The following PKD1L1 variants were observed in gnomAD, a reference collection of about 807,000 sequenced individuals.
PKD1L1 encodes polycystin 1 like 1, transient receptor potential channel interacting.
A neutral mutation model predicts 323.4 loss-of-function variants in PKD1L1; 236 were observed. The ratio of observed to expected loss-of-function variants is 0.73; its 90% confidence interval spans 0.66 to 0.81. The LOEUF (loss-of-function observed/expected upper bound fraction) is 0.81. PKD1L1 is among the 40% of genes least tolerant of loss of function. PKD1L1 has a pLI of 0.00. For synonymous variants in PKD1L1, 1,344 were observed against 1,335.0 expected (o/e 1.01, Z -0.15); for missense variants, 3,320 against 3,508.0 (o/e 0.95, Z 1.35).
At chr7:47,921,380 T>TA (rs1257901747) in intron 7 of PKD1L1, among the ~76,000 whole-genome samples, 2 of 150,318 alleles carry the variant, frequency 1.3e-5, no homozygotes, top group African/African-American at 2.5e-5. Context: ...AATCAAAAAA[T>TA]AAAAAAATAG....
chr7:47,904,661 C>A (rs542905741), intron 11 of PKD1L1, 44 bp from the exon 12 acceptor site: 5 of 1,581,846 alleles, frequency 3.2e-6, no homozygotes, highest in Non-Finnish European at 4.3e-6. Context: ...GATGGCAAGA[C>A]AAGAACAGGG....
In PKD1L1 at chr7:47,922,668, C is replaced by T. The variant is rs570818693; in HGVS notation, c.1060+6536G>A. On this transcript the variant is annotated intron_variant, in intron 7 of 56. Coordinates refer to ENST00000289672, the MANE Select transcript of PKD1L1 (RefSeq NM_138295.5). The stretch of plus-strand genomic sequence containing the variant: ...CCGTCTGAGAAGTGAGGAGCCCCTC[C>T]GCCCGGCAGCTGCCCCGTCTGGGAA... 1.0e-3 allele frequency among the ~76,000 whole-genome samples: 152 copies of T among 150,290 alleles called. 2 individuals are homozygous for T. In the East Asian group the frequency reaches 0.026, roughly 25 times the overall value.
intron 31 of PKD1L1, among the ~76,000 whole-genome samples, chr7:47,850,632 CAAAAAAAA>C (rs58437908): frequency 1.3e-5 from 1 of 75,814 alleles, no homozygotes; most frequent in African/African-American, 5.7e-5. Flanking sequence ...GACTCTGTCT[CAAAAAAAA>C]AAAAAAAAAA....
At position 47,931,089 on chromosome 7, in the gene PKD1L1, C is replaced by T. The variant is rs1787760442; in HGVS notation, c.737+15G>A. Reference sequence around the variant, plus strand: ...TGGAGAAGTGGTGCTGGCCTCCATACCTCCTTCACCGTACCTTCTGGGAGA... The same window carrying T: ...TGGAGAAGTGGTGCTGGCCTCCATATCTCCTTCACCGTACCTTCTGGGAGA... On this transcript the variant is annotated intron_variant, in intron 6 of 56. Transcript: ENST00000289672. 6.2e-7 allele frequency: 1 copy of T among 1,610,750 alleles called. No individual in the cohort carries two copies. The highest frequency in any genetic ancestry group is 1.1e-5 in the South Asian group (1 of 90,770).
intron 46 of PKD1L1, among the ~76,000 whole-genome samples, chr7:47,816,789 T>A (rs1427911713): frequency 1.3e-5 from 2 of 152,326 alleles, no homozygotes; most frequent in Admixed American, 1.3e-4. Context: ...ACACTATGAA[T>A]CATTCAGATG....
intron 7 of PKD1L1, among the ~76,000 whole-genome samples, chr7:47,920,824 T>A (rs981101559): frequency 2.6e-5 from 4 of 152,182 alleles, no homozygotes; most frequent in Non-Finnish European, 4.4e-5. Context: ...GGTGCTGGGA[T>A]AATTGGCTAA....
At chr7:47,913,632 G>A (rs1272254813) in intron 8 of PKD1L1, among the ~76,000 whole-genome samples, 2 of 152,110 alleles carry the variant, frequency 1.3e-5, no homozygotes, top group Non-Finnish European at 2.9e-5. Flanking sequence ...GCTATGTAAC[G>A]TGTGTGTTCC....
At chr7:47,922,258 G>A (rs891614516) in intron 7 of PKD1L1, among the ~76,000 whole-genome samples, 1 of 152,120 alleles carries the variant, frequency 6.6e-6, no homozygotes, top group Non-Finnish European at 1.5e-5. Flanking sequence ...CTCTCGGCTC[G>A]CTACAACCTC....
chr7:47,862,460 G>A (rs553037383), intron 26 of PKD1L1, among the ~76,000 whole-genome samples: 32 of 152,150 alleles, frequency 2.1e-4, no homozygotes, highest in South Asian at 2.1e-4. Flanking sequence ...TCTCTTGAGC[G>A]CCTGCCATGC....
Position 47,792,680 on chromosome 7 carries a change from C to T in PKD1L1, c.8473G>A (p.Ala2825Thr). 2 of 1,614,108 alleles carry T rather than the reference C, an allele frequency of 1.2e-6. No individual in the cohort carries two copies. The highest frequency in any genetic ancestry group is 1.7e-6 in the Non-Finnish European group (2 of 1,179,986). Reference protein sequence around the residue: ...LEKTSNNTGEARTEESPLVDI... With the variant: ...LEKTSNNTGETRTEESPLVDI... ...ACTAAGGGACTCTCTTCTGTCCTTG[C>T]CTCCCCTGTGTTGTTGGATGTTTTT... The change falls in exon 56 of 57, where the codon GCA becomes ACA. Residue 2825 changes from alanine (A) to threonine (T), a missense_variant. Ala to Thr is a moderately conservative substitution (Grantham distance 58). Transcript: ENST00000289672.
chr7:47,883,799 C>T lies in PKD1L1; in HGVS notation c.3265+799G>A, dbSNP rs551372423. 3.5e-4 allele frequency among the ~76,000 whole-genome samples: 53 copies of T among 152,362 alleles called. No homozygotes were observed. In the East Asian group the frequency reaches 0.01, roughly 29 times the overall value. On this transcript the variant is annotated intron_variant, in intron 19 of 56. Transcript: ENST00000289672. ...ATTCCCTCGATAGATAAATCATTCA[C>T]TCATCAGCCATTTATCGATTCATTC...
intron 4 of PKD1L1, among the ~76,000 whole-genome samples, chr7:47,933,214 AACTG>A (rs72453652): frequency 0.12 from 18,238 of 152,112 alleles, 1,214 homozygotes; most frequent in East Asian, 0.23. Context: ...GTGGGTTCTA[AACTG>A]ACTGACGCCA....
At chr7:47,776,885 T>TTA (rs1554389098) in intron 56 of PKD1L1, among the ~76,000 whole-genome samples, 1 of 151,982 alleles carries the variant, frequency 6.6e-6, no homozygotes, top group Non-Finnish European at 1.5e-5. Context: ...TCTTTTTTAT[T>TTA]TTTATTTATT....
At chr7:47,871,488 T>C (rs978460259) in intron 24 of PKD1L1, among the ~76,000 whole-genome samples, 1 of 152,112 alleles carries the variant, frequency 6.6e-6, no homozygotes. Context: ...GCCTATCTAG[T>C]TCCCTCCAGC....
chr7:47,932,152 G>A, intron 4 of PKD1L1, 96 bp from the exon 5 acceptor site: 1 of 1,490,964 alleles, frequency 6.7e-7, no homozygotes, highest in South Asian at 1.4e-5. Flanking sequence ...CCTTCACCAG[G>A]CTTTGCTGGA....
intron 15 of PKD1L1, among the ~76,000 whole-genome samples, chr7:47,891,931 T>TGG (rs1251283924): frequency 1.3e-5 from 2 of 152,176 alleles, no homozygotes; most frequent in African/African-American, 4.8e-5. Context: ...GCCTTTTGCC[T>TGG]CCTCTCAACT....
intron 52 of PKD1L1, among the ~76,000 whole-genome samples, chr7:47,804,785 C>T (rs1784742533): frequency 6.6e-6 from 1 of 152,148 alleles, no homozygotes; most frequent in Non-Finnish European, 1.5e-5. Context: ...ACGCCCAGCA[C>T]ATTTTTAATT....
At chr7:47,800,384 A>AG (rs1784633283) in intron 54 of PKD1L1, among the ~76,000 whole-genome samples, 1 of 152,156 alleles carries the variant, frequency 6.6e-6, no homozygotes, top group African/African-American at 2.4e-5. Context: ...GTGCAGAGTG[A>AG]GGGGGGCCAG....
Position 47,873,953 on chromosome 7 carries a change from AC to A in PKD1L1, c.3841del (p.Val1281TrpfsTer3). On this transcript the variant is annotated frameshift_variant, in exon 24 of 57. Coordinates refer to ENST00000289672, the MANE Select transcript of PKD1L1 (RefSeq NM_138295.5). LOFTEE classifies it high-confidence loss of function. The stretch of plus-strand genomic sequence containing the variant: ...GTAGCGGGGCAGCACAGTCACCACC[AC>A]AGTGCACGGCTGGACCTTGGAGCCT... ...GKGSKVQPCT[V>X]VVTVLPRYHG... The A allele has an allele frequency of 6.2e-7, 1 of 1,614,084 alleles. No individual in the cohort carries two copies. Among genetic ancestry groups the A allele is most frequent in the Non-Finnish European group, 8.5e-7 (1 of 1,179,982 alleles).
Sources: allele counts gnomAD v4.1 joint callset (sites outside exome capture counted in the v4.1 genomes callset), GRCh38; gene constraint gnomAD v4.1.1; transcripts MANE v1.5; gene names NCBI Gene and HGNC (gene_info 2026-07-23, HGNC 2026-07-21).